ALMS1: variants seen among roughly 807,000 people sequenced by gnomAD.
ALMS1 encodes centrosome-associated protein ALMS1.
ALMS1 carries 271 observed loss-of-function variants against 352.2 expected under a neutral mutation model. The observed-to-expected ratio is 0.77, with a 90% CI of 0.70 to 0.85. ALMS1 has a LOEUF of 0.85. Ranked by LOEUF, ALMS1 falls within the 40% of genes least tolerant of loss-of-function variation. The pLI is 0.00. For missense variants in ALMS1, 5,445 were observed against 4,870.7 expected (o/e 1.12, Z -3.51); for synonymous variants, 1,865 against 1,761.2 (o/e 1.06, Z -1.48).
chr2:73,518,859 C>G (rs1435978667), intron 10 of ALMS1, among the ~76,000 whole-genome samples: 2 of 152,092 alleles, frequency 1.3e-5, no homozygotes, highest in Non-Finnish European at 2.9e-5. Context: ...TATTTTCTTC[C>G]ATTCTATAGG....
At chr2:73,534,971 A>C in intron 12 of ALMS1, 22 bp downstream of exon 12, 1 of 1,613,316 alleles carries the variant, frequency 6.2e-7, no homozygotes, top group Non-Finnish European at 8.5e-7. Context: ...AAATTATTCG[A>C]AGTTTTATTG....
chr2:73,488,166 C>T (rs533362060), intron 9 of ALMS1, among the ~76,000 whole-genome samples: 14 of 152,304 alleles, frequency 9.2e-5, no homozygotes, highest in African/African-American at 3.4e-4. Flanking sequence ...ATCTACGGTA[C>T]CCATGGCACA....
chr2:73,449,484 G>T lies in ALMS1; in HGVS notation c.2957G>T (p.Gly986Val), dbSNP rs1321026125. ...TCTCTGAAAATGTCTGCTATTCCTG[G>T]ACTGACTGACCAGAAGACTGTCCCA... ...RESLKMSAIP[G>V]LTDQKTVPTP... The change falls in exon 8 of 23, where the codon GGA (glycine) becomes GTA (valine). Residue 986 changes from glycine (G) to valine (V), a missense_variant. By Grantham distance (109) the Gly-to-Val change is moderately radical (BLOSUM62 -3). Coordinates refer to ENST00000613296, the MANE Select transcript of ALMS1 (RefSeq NM_001378454.1). 1.9e-6 allele frequency: 3 copies of T among 1,613,998 alleles called. No individual in the cohort carries two copies. In the South Asian group the frequency reaches 3.3e-5, roughly 18 times the overall value.
intron 11 of ALMS1, among the ~76,000 whole-genome samples, chr2:73,525,639 T>C (rs926517963): frequency 2.0e-5 from 3 of 152,144 alleles, no homozygotes; most frequent in Non-Finnish European, 4.4e-5. Flanking sequence ...ATTTTTTTTT[T>C]CCTATAGAGT....
intron 15 of ALMS1, among the ~76,000 whole-genome samples, chr2:73,571,144 G>A (rs1573029057): frequency 6.6e-6 from 1 of 152,110 alleles, no homozygotes; most frequent in East Asian, 1.9e-4. Context: ...ATAAATGCAG[G>A]CCCTGTGTGT....
chr2:73,505,379 ATC>A lies in ALMS1; in HGVS notation c.9539+13883_9539+13884del, dbSNP rs1227647943. Among the ~76,000 whole-genome samples, 3 of 152,350 alleles carry A rather than the reference ATC, an allele frequency of 2.0e-5. No individual in the cohort carries two copies. The East Asian group carries it at 5.8e-4, about 29-fold the overall frequency. On this transcript the variant is annotated intron_variant, in intron 10 of 22. Coordinates refer to ENST00000613296, the MANE Select transcript of ALMS1 (RefSeq NM_001378454.1). ...CTTGTTTCTCCACATCCTCTCCAGC[ATC>A]TGTTGTTTCCCAACTTTTTAATGAT...
At chr2:73,458,150 A>G (rs528645433) in intron 9 of ALMS1, 1 of 151,276 alleles carries the variant, frequency 6.6e-6, no homozygotes, top group African/African-American at 2.4e-5. Context: ...CTTATGATTG[A>G]CTTTTTTCAG....
intron 10 of ALMS1, among the ~76,000 whole-genome samples, chr2:73,494,006 G>A (rs1270372980): frequency 6.6e-6 from 1 of 152,172 alleles, no homozygotes; most frequent in Non-Finnish European, 1.5e-5. Flanking sequence ...CTGCAAATGT[G>A]GTCTCATCAC....
chr2:73,448,780 C>G lies in ALMS1; in HGVS notation c.2253C>G (p.Asp751Glu). 10 of 1,614,106 alleles carry G rather than the reference C, an allele frequency of 6.2e-6. No individual in the cohort carries two copies. Among genetic ancestry groups the G allele is most frequent in the Non-Finnish European group, 8.5e-6 (10 of 1,179,982 alleles). The change falls in exon 8 of 23, where the codon GAC becomes GAG. Residue 751 changes from aspartate (D) to glutamate (E), a missense_variant. Asp to Glu is a conservative substitution (Grantham distance 45). Transcript: ENST00000613296. ...TKVSATPGPA[D>E]QKTEIPAVQS... ...TTTCAGCCACTCCTGGACCAGCTGACCAGAAGACTGAGATACCAGCAGTAC... is the reference window on the plus strand; with the variant it reads ...TTTCAGCCACTCCTGGACCAGCTGAGCAGAAGACTGAGATACCAGCAGTAC...
chr2:73,523,922 A>G (rs1286296336), intron 11 of ALMS1, among the ~76,000 whole-genome samples: 1 of 152,200 alleles, frequency 6.6e-6, no homozygotes, highest in Non-Finnish European at 1.5e-5. Context: ...TATAAGAGAA[A>G]ACCGTGGTCT....
At chr2:73,483,082 C>T (rs1330734921) in intron 9 of ALMS1, among the ~76,000 whole-genome samples, 2 of 148,710 alleles carry the variant, frequency 1.3e-5, no homozygotes, top group Non-Finnish European at 3.0e-5. Flanking sequence ...TTCAGTTCTG[C>T]TCTGATTTTA....
chr2:73,509,484 T>A (rs1158422326), intron 10 of ALMS1, among the ~76,000 whole-genome samples: 2 of 152,220 alleles, frequency 1.3e-5, no homozygotes, highest in Non-Finnish European at 2.9e-5. Context: ...CATTTACCTG[T>A]CTGTAAAGGA....
At chr2:73,498,747 C>G (rs747931904) in intron 10 of ALMS1, among the ~76,000 whole-genome samples, 2 of 152,170 alleles carry the variant, frequency 1.3e-5, no homozygotes, top group Non-Finnish European at 2.9e-5. Context: ...ATGACTGGAT[C>G]TCATCATTTT....
intron 11 of ALMS1, among the ~76,000 whole-genome samples, chr2:73,532,496 C>T (rs182177955): frequency 6.6e-6 from 1 of 152,288 alleles, no homozygotes; most frequent in East Asian, 1.9e-4. Context: ...GGAGTCACTC[C>T]CCATGGCCAC....
At chr2:73,505,224 T>C (rs990791143) in intron 10 of ALMS1, among the ~76,000 whole-genome samples, 4 of 152,234 alleles carry the variant, frequency 2.6e-5, no homozygotes, top group Non-Finnish European at 5.9e-5. Flanking sequence ...TTTATAATCG[T>C]TGGGGTATAT....
rs146326194 is a variant in ALMS1 at position 73,505,291 on chromosome 2, C to A, written c.9539+13793C>A. 7.8e-3 allele frequency among the ~76,000 whole-genome samples: 1,185 copies of A among 152,282 alleles called. 12 individuals carry two copies. Among genetic ancestry groups the A allele is most frequent in the African/African-American group, 0.027 (1,132 of 41,556 alleles). On this transcript the variant is annotated intron_variant, in intron 10 of 22. Transcript: ENST00000613296. ...TTCTAGTTCTAAATCCTTGAGGAAT[C>A]ACCACACTGTCTTCCACAATGGTTG... is the stretch of plus-strand genomic sequence containing the variant.
intron 16 of ALMS1, among the ~76,000 whole-genome samples, chr2:73,594,115 A>G (rs1291904379): frequency 6.6e-6 from 1 of 152,230 alleles, no homozygotes; most frequent in African/African-American, 2.4e-5. Flanking sequence ...TAATCATATG[A>G]CAACTCTATG....
chr2:73,580,995 C>CGGAAA (rs1675165623), intron 16 of ALMS1, among the ~76,000 whole-genome samples: 1 of 152,226 alleles, frequency 6.6e-6, no homozygotes, highest in African/African-American at 2.4e-5. Context: ...CTTAGCCTTG[C>CGGAAA]TTCCTACTTG....
chr2:73,433,901 A>C, intron 7 of ALMS1, among the ~76,000 whole-genome samples: 1 of 152,186 alleles, frequency 6.6e-6, no homozygotes, highest in South Asian at 2.1e-4. Context: ...ATATCTGTTC[A>C]TAATATTCCC....
Sources: allele counts gnomAD v4.1 joint callset (sites outside exome capture counted in the v4.1 genomes callset), GRCh38; gene constraint gnomAD v4.1.1; transcripts MANE v1.5; gene names NCBI Gene and HGNC (gene_info 2026-07-23, HGNC 2026-07-21).